PTPN14: variants seen among roughly 807,000 people sequenced by gnomAD.
PTPN14 encodes tyrosine-protein phosphatase non-receptor type 14.
Under a neutral mutation model 126.8 loss-of-function variants are expected in PTPN14, and 53 were observed. That is an observed-to-expected ratio of 0.42 (90% CI 0.34 to 0.53). The LOEUF is 0.53. Ranked by LOEUF, PTPN14 falls within the 20% of genes least tolerant of loss-of-function variation. PTPN14 has a pLI of 0.08. For synonymous variants in PTPN14, 630 were observed against 599.3 expected, an observed-to-expected ratio of 1.05 and a Z score of -0.75; for missense variants, 1,257 against 1,552.9, an observed-to-expected ratio of 0.81 and a Z score of 3.20.
intron 1 of PTPN14, among the ~76,000 whole-genome samples, chr1:214,506,158 C>T (rs1042925061): frequency 4.6e-5 from 7 of 152,192 alleles, no homozygotes; most frequent in African/African-American, 7.2e-5. Context: ...TAGCATTAAT[C>T]GAAAAACTTC....
chr1:214,360,204 T>C (rs1657922120), intron 18 of PTPN14, among the ~76,000 whole-genome samples: 1 of 152,178 alleles, frequency 6.6e-6, no homozygotes, highest in Admixed American at 6.5e-5. Context: ...CTTTGAACCT[T>C]AAAAAATAAT....
intron 3 of PTPN14, among the ~76,000 whole-genome samples, chr1:214,420,512 A>G (rs4540625): frequency 0.51 from 77,310 of 152,050 alleles, 19,753 homozygotes; most frequent in East Asian, 0.54. Context: ...TAACTAGTGA[A>G]AAAAAGCCAA....
intron 3 of PTPN14, among the ~76,000 whole-genome samples, chr1:214,418,390 C>A (rs1372521303): frequency 6.6e-6 from 1 of 152,208 alleles, no homozygotes; most frequent in Non-Finnish European, 1.5e-5. Flanking sequence ...TTTTTAAATT[C>A]CCAGTCCAAT....
intron 1 of PTPN14, among the ~76,000 whole-genome samples, chr1:214,467,533 A>G (rs533978214): frequency 6.6e-6 from 1 of 150,786 alleles, no homozygotes; most frequent in East Asian, 2.0e-4. Context: ...GTAAACTTTA[A>G]ACAACATGTA....
chr1:214,533,492 C>T (rs1398550986), intron 1 of PTPN14: 2 of 475,446 alleles, frequency 4.2e-6, no homozygotes, highest in Non-Finnish European at 3.5e-6. Context: ...GCAGGGTACC[C>T]TTTGGGGAGC....
At chr1:214,482,576 A>AAGG in intron 1 of PTPN14, among the ~76,000 whole-genome samples, 1 of 27,900 alleles carries the variant, frequency 3.6e-5, no homozygotes, top group African/African-American at 2.2e-4. Context: ...GCAGTTTAGA[A>AAGG]AAGAAAAAAA....
chr1:214,400,703 T>C (rs1027086081), intron 7 of PTPN14, among the ~76,000 whole-genome samples: 1 of 152,210 alleles, frequency 6.6e-6, no homozygotes, highest in African/African-American at 2.4e-5. Flanking sequence ...GGGATGCAGA[T>C]GGCTTCATAA....
chr1:214,447,329 G>A (rs1355544674), intron 3 of PTPN14, among the ~76,000 whole-genome samples: 1 of 152,082 alleles, frequency 6.6e-6, no homozygotes, highest in Non-Finnish European at 1.5e-5. Flanking sequence ...CTTAAGGACT[G>A]TAGCATTTTT....
At chr1:214,370,481 C>T (rs1450521356) in intron 16 of PTPN14, among the ~76,000 whole-genome samples, 1 of 152,000 alleles carries the variant, frequency 6.6e-6, no homozygotes, top group African/African-American at 2.4e-5. Context: ...CGCTGTAGGT[C>T]ACGTTACTCC....
At chr1:214,388,096 GA>G (rs961123752) in intron 11 of PTPN14, among the ~76,000 whole-genome samples, 40 of 151,964 alleles carry the variant, frequency 2.6e-4, no homozygotes, top group African/African-American at 9.6e-4. Context: ...AGTTTTCAGA[GA>G]AAAAAACAAA....
rs116325776 is a variant in PTPN14 at position 214,533,380 on chromosome 1, C to T, written c.-155+17803G>A. ...ATCTTGGTGATGGACAGCAGCAACT[C>T]CACGCAAACCATTCAAAAGACCACC... is the stretch of plus-strand genomic sequence containing the variant. On this transcript the variant is annotated intron_variant, in intron 1 of 18. Coordinates refer to ENST00000366956, the MANE Select transcript of PTPN14 (RefSeq NM_005401.5). 2,607 of 449,642 alleles carry T rather than the reference C, an allele frequency of 5.8e-3. 45 individuals carry two copies. The highest frequency in any genetic ancestry group is 0.045 in the African/African-American group (2,254 of 49,936). The allele number at this position is 449,642 out of a possible 1,614,324, so 27.9% of individuals were successfully genotyped here.
chr1:214,517,751 C>G (rs1207999239), intron 1 of PTPN14, among the ~76,000 whole-genome samples: 1 of 152,022 alleles, frequency 6.6e-6, no homozygotes, highest in Non-Finnish European at 1.5e-5. Flanking sequence ...TTGAGACCAG[C>G]CTGGCCAACA....
intron 17 of PTPN14, among the ~76,000 whole-genome samples, chr1:214,367,021 T>C (rs2102513943): frequency 6.6e-6 from 1 of 152,184 alleles, no homozygotes; most frequent in East Asian, 1.9e-4. Flanking sequence ...TTTTTGGTAA[T>C]TTAGACAGGC....
chr1:214,370,149 G>A (rs1658182619), intron 16 of PTPN14, among the ~76,000 whole-genome samples: 1 of 152,084 alleles, frequency 6.6e-6, no homozygotes, highest in Admixed American at 6.5e-5. Flanking sequence ...GCGCGGTGGC[G>A]GGTGCCTGTA....
intron 7 of PTPN14, 130 bp from the exon 8 acceptor site, chr1:214,398,131 T>A: frequency 1.4e-6 from 1 of 710,760 alleles, no homozygotes. Flanking sequence ...GTGGTACATG[T>A]GTGTACAAGG....
intron 1 of PTPN14, among the ~76,000 whole-genome samples, chr1:214,534,213 A>G (rs1655637418): frequency 6.6e-6 from 1 of 152,192 alleles, no homozygotes. Flanking sequence ...CAATCTGGCC[A>G]TATGTAACAA....
At chr1:214,454,505 T>C (rs1235846316) in intron 2 of PTPN14, among the ~76,000 whole-genome samples, 1 of 152,088 alleles carries the variant, frequency 6.6e-6, no homozygotes, top group Non-Finnish European at 1.5e-5. Context: ...GAATATTCCA[T>C]GGAATATATA....
At position 214,349,392 on chromosome 1, in the gene PTPN14, G is replaced by A. The variant is rs1009035005; in HGVS notation, c.*8530C>T. The stretch of plus-strand genomic sequence containing the variant: ...ACGCAAGAACCTTAAGAACAAACCG[G>A]TTTCTAAGTTGGGGACTTGTCTGTA... On this transcript the variant is annotated 3_prime_UTR_variant, in exon 19 of 19. Transcript: ENST00000366956. The A allele has an allele frequency of 2.0e-5, 3 of 152,174 alleles. No homozygotes were observed. The highest frequency in any genetic ancestry group is 7.2e-5 in the African/African-American group (3 of 41,438). The allele number at this position is 152,174 out of a possible 1,614,324, so 9.4% of individuals were successfully genotyped here. A position where few individuals can be genotyped will look rare whatever the true frequency, so the allele number is the denominator to read the frequency against.
At chr1:214,372,865 A>C (rs749091666) in intron 15 of PTPN14, 26 bp from the exon 16 acceptor site, 2 of 1,612,818 alleles carry the variant, frequency 1.2e-6, no homozygotes, top group South Asian at 1.1e-5. Flanking sequence ...AGTATCGGTA[A>C]ATAAACCCCA....
Sources: allele counts gnomAD v4.1 joint callset (sites outside exome capture counted in the v4.1 genomes callset), GRCh38; gene constraint gnomAD v4.1.1; transcripts MANE v1.5; gene names NCBI Gene and HGNC (gene_info 2026-07-23, HGNC 2026-07-21).